The following LINGO2 variants were observed in gnomAD, a reference collection of about 807,000 sequenced individuals.
LINGO2 encodes the protein leucine rich repeat and Ig domain containing 2, also known as leucine-rich repeat and immunoglobulin-like domain-containing nogo receptor-interacting protein 2.
LINGO2 carries 14 observed loss-of-function variants against 30.6 expected under a neutral mutation model. The observed-to-expected ratio is 0.46, with a 90% CI of 0.30 to 0.72. The LOEUF (loss-of-function observed/expected upper bound fraction) is 0.72, where lower values mean the gene tolerates loss of function less well. LINGO2 is among the 30% of genes least tolerant of loss of function. The pLI is 0.07. For missense variants in LINGO2, 729 were observed against 751.7 expected, an observed-to-expected ratio of 0.97 and a Z score of 0.35; for synonymous variants, 317 against 288.5, an observed-to-expected ratio of 1.10 and a Z score of -1.00.
chr9:28,132,158 C>A (rs764368559), intron 4 of LINGO2, among the ~76,000 whole-genome samples: 1 of 152,144 alleles, frequency 6.6e-6, no homozygotes, highest in Non-Finnish European at 1.5e-5. Context: ...GTAAAGCTTG[C>A]TTATGTACTA....
chr9:28,224,343 C>T (rs1243721948), intron 4 of LINGO2, among the ~76,000 whole-genome samples: 4 of 152,178 alleles, frequency 2.6e-5, no homozygotes, highest in African/African-American at 9.6e-5. Context: ...GGATTACAGG[C>T]GTGAGCCACC....
the LINGO2 span, among the ~76,000 whole-genome samples, chr9:29,129,736 A>G: frequency 6.6e-6 from 1 of 152,118 alleles, no homozygotes; most frequent in Non-Finnish European, 1.5e-5. Context: ...ACAAAGTAAT[A>G]AGGAACCAGT....
the LINGO2 span, among the ~76,000 whole-genome samples, chr9:28,782,317 G>A: frequency 3.9e-5 from 6 of 152,068 alleles, no homozygotes; most frequent in East Asian, 3.9e-4. Context: ...ATGACCTTTC[G>A]TCCTCAGAAA....
intron 3 of LINGO2, among the ~76,000 whole-genome samples, chr9:28,324,248 T>C (rs935663822): frequency 6.6e-6 from 1 of 152,140 alleles, no homozygotes; most frequent in African/African-American, 2.4e-5. Flanking sequence ...AAAAAAATAA[T>C]AGCCGTATCC....
chr9:28,761,349 G>A, the LINGO2 span, among the ~76,000 whole-genome samples: 29 of 151,796 alleles, frequency 1.9e-4, no homozygotes, highest in Admixed American at 5.2e-4. Flanking sequence ...CTGAATAAGA[G>A]CTATTGAGCA....
chr9:28,308,200 C>T (rs1587436730), intron 3 of LINGO2, among the ~76,000 whole-genome samples: 3 of 128,542 alleles, frequency 2.3e-5, no homozygotes. Context: ...GCTACAGTAA[C>T]CAAAACAGCA....
At chr9:27,954,892 G>A (rs1214552315) in intron 5 of LINGO2, among the ~76,000 whole-genome samples, 1 of 152,006 alleles carries the variant, frequency 6.6e-6, no homozygotes, top group African/African-American at 2.4e-5. Context: ...TCCTTTTTCT[G>A]CACATCCTTA....
chr9:28,594,887 T>C (rs185543174), intron 1 of LINGO2, among the ~76,000 whole-genome samples: 44 of 152,214 alleles, frequency 2.9e-4, no homozygotes, highest in Non-Finnish European at 5.1e-4. Flanking sequence ...ATTTTTCATG[T>C]GTGAAATGGC....
At chr9:28,138,701 C>T (rs1236293344) in intron 4 of LINGO2, among the ~76,000 whole-genome samples, 1 of 152,148 alleles carries the variant, frequency 6.6e-6, no homozygotes, top group Non-Finnish European at 1.5e-5. Flanking sequence ...TCATATAAAA[C>T]CTTACTAATG....
chr9:29,008,455 C>T, the LINGO2 span, among the ~76,000 whole-genome samples: 1 of 152,120 alleles, frequency 6.6e-6, no homozygotes, highest in Non-Finnish European at 1.5e-5. Flanking sequence ...AATGGGATGG[C>T]TGGGTCAAAT....
intron 4 of LINGO2, among the ~76,000 whole-genome samples, chr9:28,271,614 C>G (rs1396900524): frequency 6.6e-6 from 1 of 152,082 alleles, no homozygotes; most frequent in African/African-American, 2.4e-5. Flanking sequence ...GGAAATCTAC[C>G]AAGAATCAGC....
chr9:29,107,994 G>A, the LINGO2 span, among the ~76,000 whole-genome samples: 1 of 151,912 alleles, frequency 6.6e-6, no homozygotes, highest in African/African-American at 2.4e-5. Context: ...ATAGGCAGCT[G>A]CACACAAAAT....
chr9:28,547,799 A>T (rs987202548), intron 1 of LINGO2, among the ~76,000 whole-genome samples: 11 of 152,128 alleles, frequency 7.2e-5, no homozygotes, highest in African/African-American at 2.7e-4. Flanking sequence ...GGCTGAACAT[A>T]TACAGAGTGA....
At chr9:28,157,809 AG>A (rs1437611893) in intron 4 of LINGO2, among the ~76,000 whole-genome samples, 1 of 152,038 alleles carries the variant, frequency 6.6e-6, no homozygotes, top group Non-Finnish European at 1.5e-5. Context: ...CACCGGTCTC[AG>A]GGAAGAGTCA....
intron 3 of LINGO2, among the ~76,000 whole-genome samples, chr9:28,305,537 A>C (rs543058919): frequency 6.6e-6 from 1 of 152,204 alleles, no homozygotes; most frequent in African/African-American, 2.4e-5. Flanking sequence ...GAAAAATTAC[A>C]TACAAAAACC....
chr9:28,361,267 T>G (rs2381415), intron 3 of LINGO2, among the ~76,000 whole-genome samples: 39,745 of 152,100 alleles, frequency 0.26, 5,376 homozygotes, highest in Middle Eastern at 0.45. Context: ...TAATTAATAT[T>G]TAATTATTAG....
the LINGO2 span, among the ~76,000 whole-genome samples, chr9:29,088,172 T>C: frequency 2.6e-5 from 4 of 152,268 alleles, no homozygotes; most frequent in Admixed American, 1.3e-4. Context: ...CTTTTATTAA[T>C]GTCATAATGA....
At chr9:28,304,610 C>A (rs1824273268) in intron 3 of LINGO2, among the ~76,000 whole-genome samples, 2 of 151,954 alleles carry the variant, frequency 1.3e-5, no homozygotes, top group African/African-American at 4.8e-5. Flanking sequence ...TTCACCTGTT[C>A]TTGAGCTTTA....
the LINGO2 span, among the ~76,000 whole-genome samples, chr9:28,836,116 G>T: frequency 6.6e-6 from 1 of 152,188 alleles, no homozygotes; most frequent in African/African-American, 2.4e-5. Context: ...ACTGAGCCAT[G>T]GCAGAAACGA....
Sources: allele counts gnomAD v4.1 joint callset (sites outside exome capture counted in the v4.1 genomes callset), GRCh38; gene constraint gnomAD v4.1.1; transcripts MANE v1.5; gene names NCBI Gene and HGNC (gene_info 2026-07-23, HGNC 2026-07-21).